Variants in FAM53A observed in about 807,000 individuals in gnomAD.
FAM53A encodes protein FAM53A.
In FAM53A, 28 loss-of-function variants were observed where a neutral mutation model predicts 26.6. The observed-to-expected ratio is 1.05, with a 90% CI of 0.78 to 1.45. FAM53A has a LOEUF of 1.45. Ranked by LOEUF, FAM53A falls within the 40% of genes most tolerant of loss-of-function variation. The pLI is 0.00. For missense variants in FAM53A, 650 were observed against 575.8 expected (o/e 1.13, Z -1.32); for synonymous variants, 290 against 253.1 (o/e 1.15, Z -1.38).
At chr4:1,627,353 G>A (rs1267453074) in intron 1 of FAM53A, among the ~76,000 whole-genome samples, 1 of 152,194 alleles carries the variant, frequency 6.6e-6, no homozygotes, top group Non-Finnish European at 1.5e-5. Flanking sequence ...TCACGCCCTC[G>A]GGTGACAGAG....
At chr4:1,643,088 A>G (rs1711879126) in intron 4 of FAM53A, among the ~76,000 whole-genome samples, 2 of 152,222 alleles carry the variant, frequency 1.3e-5, no homozygotes, top group South Asian at 4.1e-4. Flanking sequence ...ACTTCCTGGA[A>G]ACACTTCCAG....
rs564551129 is a variant in FAM53A at position 1,648,313 on chromosome 4, A to C, written c.882+6665T>G. 7.2e-5 allele frequency among the ~76,000 whole-genome samples: 11 copies of C among 152,316 alleles called. No homozygotes were observed. The South Asian group carries it at 1.5e-3, about 20-fold the overall frequency. On this transcript the variant is annotated intron_variant, in intron 4 of 4. Coordinates refer to ENST00000308132, the MANE Select transcript of FAM53A (RefSeq NM_001174070.3). ...CAGGTGATGCGGTGCAGGCAGGGGT[A>C]GGTGGGTGTGGGTGAAGACTGGTTG...
intron 4 of FAM53A, among the ~76,000 whole-genome samples, chr4:1,651,077 C>A (rs1016866900): frequency 6.6e-6 from 1 of 150,782 alleles, no homozygotes. Context: ...ATTAGCTGGG[C>A]GTGATGGTGG....
the FAM53A span, chr4:1,580,302 A>T: frequency 6.6e-6 from 1 of 151,594 alleles, no homozygotes; most frequent in Non-Finnish European, 1.5e-5. Context: ...GACCCCGCCC[A>T]CGGCGCCCTA....
chr4:1,650,322 A>AGTGTTTGACTGTGAGGTGGCACAGGCGTG (rs1712657614), intron 4 of FAM53A, among the ~76,000 whole-genome samples: 1 of 53,456 alleles, frequency 1.9e-5, no homozygotes, highest in Non-Finnish European at 3.6e-5. Context: ...GCACAGGCAT[A>AGTGTTTGACTGTGAGGTGGCACAGGCGTG]GTGTTTGACT....
intron 1 of FAM53A, among the ~76,000 whole-genome samples, chr4:1,629,409 A>C (rs1386600830): frequency 4.6e-5 from 7 of 152,102 alleles, no homozygotes; most frequent in Non-Finnish European, 1.0e-4. Context: ...GGGCCTCAGG[A>C]CCCCTCTAGG....
chr4:1,589,748 G>A, the FAM53A span, among the ~76,000 whole-genome samples: 1 of 151,736 alleles, frequency 6.6e-6, no homozygotes, highest in Admixed American at 6.6e-5. Context: ...CATTATTTTT[G>A]CCATTATTTT....
the FAM53A span, among the ~76,000 whole-genome samples, chr4:1,580,424 G>A: frequency 6.6e-6 from 1 of 152,204 alleles, no homozygotes; most frequent in Non-Finnish European, 1.5e-5. Flanking sequence ...GCTCAGAGCT[G>A]AGATCTAAGG....
the FAM53A span, among the ~76,000 whole-genome samples, chr4:1,612,378 G>C: frequency 6.6e-6 from 1 of 152,180 alleles, no homozygotes; most frequent in Non-Finnish European, 1.5e-5. Context: ...TGGCTACTGG[G>C]CTCCCGCCAG....
chr4:1,637,778 G>A (rs1715913322), downstream of FAM53A, among the ~76,000 whole-genome samples: 1 of 152,118 alleles, frequency 6.6e-6, no homozygotes, highest in Non-Finnish European at 1.5e-5. Flanking sequence ...GCTGTCCCAG[G>A]GTACCAGGCA....
chr4:1,632,008 C>T (rs1444401615), intron 1 of FAM53A, among the ~76,000 whole-genome samples: 1 of 151,874 alleles, frequency 6.6e-6, no homozygotes, highest in Non-Finnish European at 1.5e-5. Flanking sequence ...AGTACAAATA[C>T]AAAAAATTAT....
the FAM53A span, among the ~76,000 whole-genome samples, chr4:1,605,166 G>A: frequency 2.0e-5 from 3 of 152,192 alleles, no homozygotes; most frequent in Non-Finnish European, 2.9e-5. The surrounding 1 kb of genome is among the most constrained non-coding windows in gnomAD (Gnocchi z 5.7). Flanking sequence ...CGATGCCCAC[G>A]GCCTCCAGGC....
At chr4:1,618,012 G>A (rs1050922298) in exon 2 of FAM53A, 25 of 456,200 alleles carry the variant, frequency 5.5e-5, no homozygotes, top group African/African-American at 2.2e-4. Context: ...GCATAGAGCC[G>A]ACCAGTGAGG....
chr4:1,601,929 A>G, the FAM53A span, among the ~76,000 whole-genome samples: 3 of 31,602 alleles, frequency 9.5e-5, 1 homozygote, highest in Non-Finnish European at 2.8e-4. Context: ...GAGGTGGGCC[A>G]GGGGAGGTGG....
At chr4:1,649,213 G>A (rs1385338314) in intron 4 of FAM53A, among the ~76,000 whole-genome samples, 1 of 151,100 alleles carries the variant, frequency 6.6e-6, no homozygotes, top group African/African-American at 2.4e-5. Flanking sequence ...GAAAGGGAAG[G>A]GGAAGGGGAA....
chr4:1,650,924 T>C (rs779669142), intron 4 of FAM53A, among the ~76,000 whole-genome samples: 3 of 151,538 alleles, frequency 2.0e-5, no homozygotes, highest in Non-Finnish European at 4.4e-5. Flanking sequence ...GGCATTGATA[T>C]CAAGATTGAG....
At chr4:1,676,770 G>GC (rs2109049153) in intron 1 of FAM53A, among the ~76,000 whole-genome samples, 1 of 152,236 alleles carries the variant, frequency 6.6e-6, no homozygotes, top group East Asian at 1.9e-4. Context: ...TGCCAACACA[G>GC]CCCCACCCCA....
intron 1 of FAM53A, among the ~76,000 whole-genome samples, chr4:1,675,504 G>A (rs779796588): frequency 3.3e-5 from 5 of 152,100 alleles, no homozygotes; most frequent in East Asian, 1.9e-4. Context: ...GCATTAAGTC[G>A]CCGTCCTCGC....
intron 1 of FAM53A, among the ~76,000 whole-genome samples, chr4:1,624,938 G>A (rs142051429): frequency 0.026 from 3,384 of 128,716 alleles, 94 homozygotes; most frequent in African/African-American, 0.077. Context: ...TCAGGGTCAC[G>A]CCAAGTGATC....
Sources: gnomAD v4.1 joint callset for allele counts (sites outside exome capture counted in the v4.1 genomes callset) on GRCh38, gnomAD v4.1.1 for gene constraint, Gnocchi (gnomAD v3.1) non-coding constraint, MANE v1.5 for transcripts, NCBI Gene and HGNC (gene_info 2026-07-23, HGNC 2026-07-21) for gene names.